UBR1: variants seen among roughly 807,000 people sequenced by gnomAD.
The protein encoded by UBR1 is E3 ubiquitin-protein ligase UBR1.
In UBR1, 102 loss-of-function variants were observed where a neutral mutation model predicts 242.1. That is an observed-to-expected ratio of 0.42 (90% CI 0.36 to 0.50). The LOEUF is 0.50. Ranked by LOEUF, UBR1 falls within the 20% of genes least tolerant of loss-of-function variation. UBR1 has a pLI of 0.01. For missense variants in UBR1, 1,772 were observed against 2,101.8 expected, an observed-to-expected ratio of 0.84 and a Z score of 3.07; for synonymous variants, 675 against 684.8, an observed-to-expected ratio of 0.99 and a Z score of 0.22.
chr15:43,035,151 T>A (rs891745338), intron 19 of UBR1, among the ~76,000 whole-genome samples: 1 of 152,148 alleles, frequency 6.6e-6, no homozygotes, highest in African/African-American at 2.4e-5. Flanking sequence ...CTTTTCACAA[T>A]ATGTTGTTAA....
chr15:42,968,503 G>C (rs1328055473), intron 40 of UBR1, among the ~76,000 whole-genome samples: 1 of 151,698 alleles, frequency 6.6e-6, no homozygotes, highest in Non-Finnish European at 1.5e-5. Context: ...CGGATTACAG[G>C]CATGAACCAT....
chr15:43,024,114 G>A, intron 25 of UBR1, among the ~76,000 whole-genome samples: 1 of 152,184 alleles, frequency 6.6e-6, no homozygotes, highest in East Asian at 1.9e-4. Context: ...GGGACTCAGG[G>A]AGAGAAATTT....
chr15:43,104,495 G>C (rs773937273), intron 1 of UBR1, among the ~76,000 whole-genome samples: 1 of 152,076 alleles, frequency 6.6e-6, no homozygotes, highest in Non-Finnish European at 1.5e-5. Context: ...AGGAACAGTA[G>C]TGAAGTGAAT....
chr15:43,006,651 G>C (rs2032835473), intron 30 of UBR1, among the ~76,000 whole-genome samples: 1 of 152,126 alleles, frequency 6.6e-6, no homozygotes, highest in Non-Finnish European at 1.5e-5. Flanking sequence ...TATCTAATTA[G>C]CATTCCTGCC....
chr15:42,960,796 TCTCA>T, intron 42 of UBR1, 95 bp from the exon 43 acceptor site: 1 of 1,295,448 alleles, frequency 7.7e-7, no homozygotes, highest in Non-Finnish European at 1.1e-6. Flanking sequence ...TGAGATGGAT[TCTCA>T]CTCTTTCGCC....
chr15:42,955,626 C>CA (rs1446736555), intron 44 of UBR1, among the ~76,000 whole-genome samples: 2 of 152,078 alleles, frequency 1.3e-5, no homozygotes, highest in African/African-American at 4.8e-5. Context: ...ATAGTTACAT[C>CA]AACAGAAGTT....
At chr15:43,040,378 G>A (rs1245191220) in intron 15 of UBR1, among the ~76,000 whole-genome samples, 3 of 152,162 alleles carry the variant, frequency 2.0e-5, no homozygotes, top group Non-Finnish European at 4.4e-5. Flanking sequence ...AAATGGTGCT[G>A]GGAAAACTGG....
At chr15:43,101,796 T>G (rs2034238165) in intron 1 of UBR1, among the ~76,000 whole-genome samples, 2 of 151,630 alleles carry the variant, frequency 1.3e-5, no homozygotes, top group African/African-American at 4.8e-5. Context: ...GTGAAACCCC[T>G]CTCTTTACTA....
chr15:42,973,310 T>C (rs544535807), intron 39 of UBR1, among the ~76,000 whole-genome samples: 1 of 152,172 alleles, frequency 6.6e-6, no homozygotes, highest in Non-Finnish European at 1.5e-5. Context: ...TTGCCCCGTT[T>C]TTTTGAGACC....
At chr15:43,056,992 C>T (rs1447255801) in intron 10 of UBR1, among the ~76,000 whole-genome samples, 1 of 152,054 alleles carries the variant, frequency 6.6e-6, no homozygotes, top group African/African-American at 2.4e-5. Context: ...TATACTCAGT[C>T]ACATAATAGG....
chr15:42,950,592 G>T (rs2031818198), intron 45 of UBR1: 1 of 540,816 alleles, frequency 1.8e-6, no homozygotes, highest in Non-Finnish European at 3.3e-6. Flanking sequence ...TTGGTGAAAT[G>T]AGATCATTTA....
At chr15:43,006,934 C>T in intron 30 of UBR1, 145 bp downstream of exon 30, 2 of 787,786 alleles carry the variant, frequency 2.5e-6, no homozygotes, top group Non-Finnish European at 4.0e-6. Flanking sequence ...GATAATATTC[C>T]TGGATTATTA....
chr15:42,948,617 C>T (rs1452629999), intron 46 of UBR1, among the ~76,000 whole-genome samples: 5 of 150,634 alleles, frequency 3.3e-5, no homozygotes, highest in South Asian at 2.1e-4. Context: ...AAAAAGTGGG[C>T]AAAGGACATG....
chr15:43,041,007 G>A (rs1009485059), intron 15 of UBR1, among the ~76,000 whole-genome samples: 3 of 152,062 alleles, frequency 2.0e-5, no homozygotes, highest in African/African-American at 4.8e-5. Flanking sequence ...ACTGTAAACT[G>A]GTTCAACCAT....
chr15:43,015,994 C>G, intron 28 of UBR1, 125 bp from the exon 29 acceptor site: 1 of 806,508 alleles, frequency 1.2e-6, no homozygotes, highest in South Asian at 1.6e-5. Context: ...ATCCTGGATT[C>G]AGTTTAATGT....
chr15:42,989,696 T>C (rs1801775384), intron 34 of UBR1, among the ~76,000 whole-genome samples: 1 of 152,108 alleles, frequency 6.6e-6, no homozygotes, highest in Non-Finnish European at 1.5e-5. Flanking sequence ...CAAAGCAAGT[T>C]AGATGTAATT....
intron 1 of UBR1, among the ~76,000 whole-genome samples, chr15:43,088,990 C>T (rs773257396): frequency 7.4e-5 from 11 of 149,622 alleles, no homozygotes; most frequent in Non-Finnish European, 1.6e-4. Context: ...GCTGAAACCC[C>T]GTCTCTACTA....
At chr15:42,995,668 AAAAC>A (rs770373278) in intron 33 of UBR1, among the ~76,000 whole-genome samples, 2 of 152,146 alleles carry the variant, frequency 1.3e-5, no homozygotes, top group African/African-American at 2.4e-5. Flanking sequence ...ACTCCATCTC[AAAAC>A]AAACAAACAA....
intron 21 of UBR1, among the ~76,000 whole-genome samples, chr15:43,028,122 A>G (rs1420978627): frequency 1.3e-5 from 2 of 152,220 alleles, no homozygotes; most frequent in African/African-American, 2.4e-5. Flanking sequence ...AGTATTACCA[A>G]TACTTCAAAG....
Sources: gnomAD v4.1 joint callset for allele counts (sites outside exome capture counted in the v4.1 genomes callset) on GRCh38, gnomAD v4.1.1 for gene constraint, MANE v1.5 for transcripts, NCBI Gene and HGNC (gene_info 2026-07-23, HGNC 2026-07-21) for gene names.